The following DROSHA variants were observed in gnomAD, a reference collection of about 807,000 sequenced individuals.
The protein encoded by DROSHA is drosha ribonuclease III, also known as ribonuclease 3.
A neutral mutation model predicts 181.9 loss-of-function variants in DROSHA; 56 were observed. The observed-to-expected ratio is 0.31, with a 90% CI of 0.25 to 0.38. DROSHA has a LOEUF of 0.38. Among genes scored for constraint, DROSHA ranks in the 10% least tolerant of loss-of-function variants. The probability of loss-of-function intolerance (pLI) is 1.00; values close to 1 mark genes in which losing one functional copy is unlikely to be tolerated. For synonymous variants in DROSHA, 524 were observed against 591.2 expected (o/e 0.89, Z 1.65); for missense variants, 1,218 against 1,743.5 (o/e 0.70, Z 5.37).
chr5:31,507,667 G>A (rs765113527), intron 10 of DROSHA, among the ~76,000 whole-genome samples: 5 of 151,982 alleles, frequency 3.3e-5, no homozygotes, highest in African/African-American at 7.3e-5. Flanking sequence ...TTTATTTTAC[G>A]GGGGACAAAA....
intron 20 of DROSHA, among the ~76,000 whole-genome samples, chr5:31,453,473 A>G (rs1747270285): frequency 6.6e-6 from 1 of 152,164 alleles, no homozygotes; most frequent in South Asian, 2.1e-4. Context: ...AAGTGCTAAG[A>G]TTACATAGGT....
chr5:31,482,498 T>C (rs1204328944), intron 16 of DROSHA, among the ~76,000 whole-genome samples: 1 of 152,156 alleles, frequency 6.6e-6, no homozygotes, highest in East Asian at 1.9e-4. Context: ...TGGAGTCAAA[T>C]TCTAGGGAGA....
chr5:31,443,741 T>C (rs1271536305), intron 23 of DROSHA, among the ~76,000 whole-genome samples: 4 of 152,184 alleles, frequency 2.6e-5, no homozygotes, highest in Non-Finnish European at 1.5e-5. Context: ...CCAACTGAGA[T>C]TAAGAAAGAT....
intron 23 of DROSHA, among the ~76,000 whole-genome samples, chr5:31,446,185 G>A (rs577410223): frequency 5.8e-4 from 88 of 152,152 alleles, no homozygotes; most frequent in African/African-American, 1.7e-3. Context: ...GGTGGCTCAC[G>A]CCTGTAATCC....
rs1239378187 is a variant in DROSHA, at chr5:31,409,475, T to C, written c.3668-143A>G. ...TATTTTTCAGTGCTACCATTTCATCTTCCCCCACTTTTTATCATTAATATC... is the reference window on the plus strand; with the variant it reads ...TATTTTTCAGTGCTACCATTTCATCCTCCCCCACTTTTTATCATTAATATC... On this transcript the variant is annotated intron_variant, in intron 31 of 35. Transcript: ENST00000344624. The surrounding 1 kb of genome is among the most constrained non-coding windows in gnomAD (Gnocchi z 4.0). 17 of 674,344 alleles carry C rather than the reference T, an allele frequency of 2.5e-5. No individual in the cohort carries two copies. The East Asian group carries it at 3.6e-4, about 14-fold the overall frequency. 41.8% of individuals were successfully genotyped at this position (674,344 alleles called of 1,614,324 possible). A position where few individuals can be genotyped will look rare whatever the true frequency, so the allele number is the denominator to read the frequency against.
chr5:31,497,056 G>C (rs1753067782), intron 11 of DROSHA, among the ~76,000 whole-genome samples: 2 of 152,142 alleles, frequency 1.3e-5, no homozygotes, highest in South Asian at 4.1e-4. Flanking sequence ...GTGCACTCGG[G>C]ATCATCATTC....
intron 25 of DROSHA, 125 bp from the exon 26 acceptor site, chr5:31,431,803 C>A: frequency 1.3e-6 from 1 of 759,464 alleles, no homozygotes; most frequent in South Asian, 1.7e-5. Context: ...GTTACAAATC[C>A]ATGAATATAT....
rs1461823187 is a variant in DROSHA at position 31,428,647 on chromosome 5, T to TA, written c.3216+827dup. On this transcript the variant is annotated intron_variant, in intron 27 of 35. Coordinates refer to ENST00000344624, the MANE Select transcript of DROSHA (RefSeq NM_001382508.1). ...TTTTCCAAAACTATTGATCCTTTTT[T>TA]AAAAAAACTACCCAAAGTAATACAG... Among the ~76,000 whole-genome samples, 5 of 152,268 alleles carry TA rather than the reference T, an allele frequency of 3.3e-5. No homozygotes were observed. The East Asian group carries it at 5.8e-4, about 18-fold the overall frequency.
intron 20 of DROSHA, among the ~76,000 whole-genome samples, chr5:31,457,722 T>C (rs1439081639): frequency 6.6e-6 from 1 of 151,962 alleles, no homozygotes; most frequent in African/African-American, 2.4e-5. Flanking sequence ...AGACCCCATC[T>C]CTACAAAAAA....
At position 31,405,656 on chromosome 5, in the gene DROSHA, T is replaced by C. The variant is rs557124135; in HGVS notation, c.3994+21A>G. On this transcript the variant is annotated intron_variant, in intron 35 of 35. Coordinates refer to ENST00000344624, the MANE Select transcript of DROSHA (RefSeq NM_001382508.1). ...ACTCATTACATTATGAACATAATTA[T>C]AGAAAAAAAAACAGGCTTACATTTT... 74 of 1,540,814 alleles carry C rather than the reference T, an allele frequency of 4.8e-5. No individual in the cohort carries two copies. The East Asian group carries it at 1.4e-3, about 29-fold the overall frequency.
intron 11 of DROSHA, among the ~76,000 whole-genome samples, chr5:31,495,720 T>C (rs1271144592): frequency 2.0e-5 from 3 of 152,194 alleles, no homozygotes; most frequent in Non-Finnish European, 4.4e-5. Context: ...CTAGTACACA[T>C]AGGTGGCCTT....
chr5:31,418,619 G>A (rs1234132108), intron 30 of DROSHA, among the ~76,000 whole-genome samples: 1 of 152,180 alleles, frequency 6.6e-6, no homozygotes, highest in Non-Finnish European at 1.5e-5. Context: ...TGGTCCAGGT[G>A]AGTAAGGCAG....
intron 6 of DROSHA, among the ~76,000 whole-genome samples, chr5:31,518,982 G>A (rs1405723225): frequency 1.3e-5 from 2 of 152,078 alleles, no homozygotes; most frequent in Admixed American, 1.3e-4. Context: ...TTTCAACACA[G>A]AAACAAAAGA....
rs1441967319 is a variant in DROSHA, at chr5:31,424,484, G to A, written c.3217-13C>T. ...CTTCGCGCAGGTCCTGGAAAATGGA[G>A]TGATGCCTTTAATGCTCAAGGGAGC... On this transcript the variant is annotated splice_polypyrimidine_tract_variant and intron_variant, in intron 27 of 35. Coordinates refer to ENST00000344624, the MANE Select transcript of DROSHA (RefSeq NM_001382508.1). 4.4e-6 allele frequency: 7 copies of A among 1,587,346 alleles called. No individual in the cohort carries two copies. The highest frequency in any genetic ancestry group is 6.0e-6 in the Non-Finnish European group (7 of 1,166,446).
intron 17 of DROSHA, among the ~76,000 whole-genome samples, chr5:31,468,515 C>T (rs1227081984): frequency 6.6e-6 from 1 of 152,190 alleles, no homozygotes; most frequent in Admixed American, 6.6e-5. Flanking sequence ...TTTAATTCTA[C>T]ATCTTTAAGT....
intron 18 of DROSHA, chr5:31,466,603 T>C: frequency 4.7e-6 from 1 of 211,852 alleles, no homozygotes; most frequent in South Asian, 8.6e-5. Flanking sequence ...TGTTTCTCAC[T>C]GTTACCTCTT....
At chr5:31,421,246 T>C in intron 30 of DROSHA, 26 bp downstream of exon 30, 2 of 1,553,284 alleles carry the variant, frequency 1.3e-6, no homozygotes, top group Non-Finnish European at 1.8e-6. Context: ...GCAATCTTAT[T>C]GGAGGAAGTG....
intron 23 of DROSHA, 82 bp downstream of exon 23, chr5:31,448,465 T>G (rs192799893): frequency 5.5e-5 from 72 of 1,297,396 alleles, no homozygotes; most frequent in Middle Eastern, 4.4e-4. Context: ...TAAAAACCAC[T>G]GAATTGTATG....
At chr5:31,520,487 C>T (rs1039857145) in intron 6 of DROSHA, among the ~76,000 whole-genome samples, 1 of 152,160 alleles carries the variant, frequency 6.6e-6, no homozygotes, top group African/African-American at 2.4e-5. Context: ...GCACTTACTT[C>T]AGGCCCAGTT....
Sources: allele counts gnomAD v4.1 joint callset (sites outside exome capture counted in the v4.1 genomes callset), GRCh38; gene constraint gnomAD v4.1.1; non-coding constraint Gnocchi (gnomAD v3.1); transcripts MANE v1.5; gene names NCBI Gene and HGNC (gene_info 2026-07-23, HGNC 2026-07-21).